Variants in RGS6 observed in about 807,000 individuals in gnomAD.
RGS6 encodes the protein regulator of G protein signaling 6.
A neutral mutation model predicts 78.5 loss-of-function variants in RGS6; 30 were observed. The observed-to-expected ratio is 0.38, with a 90% CI of 0.29 to 0.52. The LOEUF (loss-of-function observed/expected upper bound fraction) is 0.52. RGS6 is among the 20% of genes least tolerant of loss of function. The pLI, the probability that RGS6 is intolerant of heterozygous loss-of-function variation, is 0.85. For synonymous variants in RGS6, 206 were observed against 206.0 expected (o/e 1.00, Z 0.00); for missense variants, 495 against 609.7 (o/e 0.81, Z 1.98).
At chr14:72,604,286 C>A in the RGS6 span, among the ~76,000 whole-genome samples, 3 of 152,240 alleles carry the variant, frequency 2.0e-5, no homozygotes, top group Admixed American at 6.5e-5. Context: ...TAAACGGAGG[C>A]GGGTTTGTTC....
At chr14:72,278,982 C>T (rs1175813715) in intron 2 of RGS6, among the ~76,000 whole-genome samples, 1 of 152,042 alleles carries the variant, frequency 6.6e-6, no homozygotes. Flanking sequence ...ACAGGCTCTC[C>T]AGTGTCTTCA....
chr14:72,532,073 C>G (rs965184713), intron 15 of RGS6, among the ~76,000 whole-genome samples: 1 of 152,152 alleles, frequency 6.6e-6, no homozygotes, highest in Admixed American at 6.5e-5. Context: ...CTGTATTATG[C>G]CTTATAGATT....
the RGS6 span, among the ~76,000 whole-genome samples, chr14:71,873,247 C>T: frequency 6.6e-6 from 1 of 152,206 alleles, no homozygotes; most frequent in Admixed American, 6.5e-5. Flanking sequence ...AACTAGTTCA[C>T]AGTCCCACAA....
intron 2 of RGS6, among the ~76,000 whole-genome samples, chr14:72,050,754 A>G (rs747688575): frequency 2.6e-4 from 40 of 152,236 alleles, no homozygotes; most frequent in Non-Finnish European, 5.1e-4. Flanking sequence ...TAAACCAAAC[A>G]TGAATTGAAA....
At chr14:72,379,547 A>G (rs76037250) in intron 3 of RGS6, among the ~76,000 whole-genome samples, 8 of 152,090 alleles carry the variant, frequency 5.3e-5, no homozygotes, top group Non-Finnish European at 1.0e-4. Flanking sequence ...TGAACTAATG[A>G]AAAAGAAATC....
chr14:72,547,145 G>A (rs986065480), intron 17 of RGS6: 116 of 1,532,854 alleles, frequency 7.6e-5, no homozygotes, highest in African/African-American at 2.1e-4. Flanking sequence ...CAGGATGCCC[G>A]CCTCTGCCTA....
In RGS6 at chr14:72,360,479, G is replaced by A. The variant is rs559589397; in HGVS notation, c.184+8285G>A. Among the ~76,000 whole-genome samples, 375 of 151,900 alleles carry A rather than the reference G, an allele frequency of 2.5e-3. 2 individuals are homozygous for A. The highest frequency in any genetic ancestry group is 8.7e-3 in the African/African-American group (359 of 41,430). ...AGAGCTTGCAGTGAGCCAAGATCAC[G>A]CCACTGCACTCCAGCCTGGGTGACA... On this transcript the variant is annotated intron_variant, in intron 3 of 17. Coordinates refer to ENST00000553525, the MANE Select transcript of RGS6 (RefSeq NM_001204424.2).
chr14:72,024,654 A>C (rs529039689), intron 2 of RGS6, among the ~76,000 whole-genome samples: 14 of 152,174 alleles, frequency 9.2e-5, no homozygotes, highest in Non-Finnish European at 1.6e-4. Flanking sequence ...ATTCTCAGAA[A>C]AGTCCCACAA....
intron 3 of RGS6, among the ~76,000 whole-genome samples, chr14:72,443,142 G>A (rs1292187159): frequency 1.3e-5 from 2 of 152,200 alleles, no homozygotes; most frequent in African/African-American, 4.8e-5. Flanking sequence ...GCAGATGGAA[G>A]GGATACTTGA....
chr14:72,064,724 C>T lies in RGS6; in HGVS notation c.84+99849C>T, dbSNP rs1277063946. 2.0e-5 allele frequency among the ~76,000 whole-genome samples: 3 copies of T among 152,148 alleles called. No homozygotes were observed. In the East Asian group the frequency reaches 5.8e-4, roughly 29 times the overall value. ...CTGGAAGATAAAGTCTTAGTAGGTACAACAAAAGAAGCTTTTGAGAGATCG... is the reference window on the plus strand; with the variant it reads ...CTGGAAGATAAAGTCTTAGTAGGTATAACAAAAGAAGCTTTTGAGAGATCG... On this transcript the variant is annotated intron_variant, in intron 2 of 17. Transcript: ENST00000553525.
At chr14:72,201,486 G>A (rs189914076) in intron 2 of RGS6, among the ~76,000 whole-genome samples, 8 of 152,212 alleles carry the variant, frequency 5.3e-5, no homozygotes, top group South Asian at 2.1e-4. Context: ...CACTAAATTC[G>A]ACTTTTTAAA....
chr14:72,445,947 T>C (rs2095353043), intron 3 of RGS6, among the ~76,000 whole-genome samples: 1 of 152,212 alleles, frequency 6.6e-6, no homozygotes, highest in Admixed American at 6.5e-5. Context: ...TAATCTGGTA[T>C]GACTGGTAGT....
At chr14:72,262,818 G>A (rs889610303) in intron 2 of RGS6, among the ~76,000 whole-genome samples, 2 of 152,158 alleles carry the variant, frequency 1.3e-5, no homozygotes, top group African/African-American at 4.8e-5. Context: ...GGTCAGATAT[G>A]TCAGCCACAG....
At chr14:72,085,350 C>T (rs1431590653) in intron 2 of RGS6, among the ~76,000 whole-genome samples, 2 of 152,176 alleles carry the variant, frequency 1.3e-5, no homozygotes, top group African/African-American at 4.8e-5. Flanking sequence ...AAGTCACTTG[C>T]TCAGTGTCCC....
At chr14:72,188,158 C>T (rs2097272710) in intron 2 of RGS6, among the ~76,000 whole-genome samples, 1 of 151,994 alleles carries the variant, frequency 6.6e-6, no homozygotes, top group East Asian at 1.9e-4. Context: ...TAAGCTTCGT[C>T]CAGGCCTGAG....
At chr14:72,298,755 T>A (rs1195697370) in intron 2 of RGS6, among the ~76,000 whole-genome samples, 1 of 152,148 alleles carries the variant, frequency 6.6e-6, no homozygotes. Flanking sequence ...GCCCTAATGT[T>A]TTTATAACTT....
intron 2 of RGS6, among the ~76,000 whole-genome samples, chr14:72,080,433 T>C (rs772296082): frequency 2.6e-5 from 4 of 152,176 alleles, no homozygotes; most frequent in Non-Finnish European, 4.4e-5. Flanking sequence ...TATTAATCCC[T>C]ATCAGATTAT....
At chr14:72,454,318 G>A (rs1383792609) in intron 3 of RGS6, among the ~76,000 whole-genome samples, 1 of 152,178 alleles carries the variant, frequency 6.6e-6, no homozygotes, top group African/African-American at 2.4e-5. Context: ...ATCATCAGAA[G>A]TGAGTGTTTT....
intron 2 of RGS6, among the ~76,000 whole-genome samples, chr14:72,305,275 A>AT (rs1405614026): frequency 6.6e-6 from 1 of 152,142 alleles, no homozygotes; most frequent in East Asian, 1.9e-4. Context: ...ATGTTATCAC[A>AT]TTTACCTTCT....
Sources: gnomAD v4.1 joint callset for allele counts (sites outside exome capture counted in the v4.1 genomes callset) on GRCh38, gnomAD v4.1.1 for gene constraint, MANE v1.5 for transcripts, NCBI Gene and HGNC (gene_info 2026-07-23, HGNC 2026-07-21) for gene names.